USP14: variants seen among roughly 807,000 people sequenced by gnomAD.
USP14 encodes the protein ubiquitin carboxyl-terminal hydrolase 14.
In USP14, 38 loss-of-function variants were observed where a neutral mutation model predicts 76.5. The ratio of observed to expected loss-of-function variants is 0.50; its 90% confidence interval spans 0.38 to 0.65. The LOEUF (loss-of-function observed/expected upper bound fraction) is 0.65, where lower values mean the gene tolerates loss of function less well. USP14 is among the 30% of genes least tolerant of loss of function. USP14 has a pLI of 0.00. For synonymous variants in USP14, 192 were observed against 191.7 expected, an observed-to-expected ratio of 1.00 and a Z score of -0.01; for missense variants, 467 against 586.5, an observed-to-expected ratio of 0.80 and a Z score of 2.10.
At chr18:199,349 G>T in intron 10 of USP14, 33 bp downstream of exon 10, 1 of 1,487,972 alleles carries the variant, frequency 6.7e-7, no homozygotes, top group Non-Finnish European at 9.3e-7. Context: ...CTTGTTGTTT[G>T]TGAATTCCAT....
At position 158,565 on chromosome 18, in the gene USP14, C is replaced by A; in HGVS notation, c.-134C>A. On this transcript the variant is annotated 5_prime_UTR_variant, in exon 1 of 16. Transcript: ENST00000261601. ...TCGCCAGTGGCCGGTTTGAATGAGA[C>A]TCGTCGCACCGAAGCCGCCGCCACC... 2 of 874,992 alleles carry A rather than the reference C, an allele frequency of 2.3e-6. No individual in the cohort carries two copies. The highest frequency in any genetic ancestry group is 3.4e-6 in the Non-Finnish European group (2 of 589,200). The allele number at this position is 874,992 out of a possible 1,614,324, so 54.2% of individuals were successfully genotyped here. A position where few individuals can be genotyped will look rare whatever the true frequency, so the allele number is the denominator to read the frequency against.
At chr18:210,954 C>T (rs1207072450) in intron 15 of USP14, among the ~76,000 whole-genome samples, 179 bp from the exon 16 acceptor site, 3 of 152,092 alleles carry the variant, frequency 2.0e-5, no homozygotes, top group Non-Finnish European at 4.4e-5. Context: ...GTAGTTGTAA[C>T]CTGGTGGAAC....
rs1156565293 is a variant in USP14, at chr18:213,859, A to AAAG, written c.*2576_*2578dup. On this transcript the variant is annotated 3_prime_UTR_variant, in exon 16 of 16. Coordinates refer to ENST00000261601, the MANE Select transcript of USP14 (RefSeq NM_005151.4). The stretch of plus-strand genomic sequence containing the variant: ...GTCACAAGAATCCCTGAAGTGATTA[A>AAAG]AAGTCTTGAGAGGTCAGGCAATTTT... The AAAG allele has an allele frequency of 6.6e-6, 1 of 152,224 alleles. No individual in the cohort carries two copies. The highest frequency in any genetic ancestry group is 2.4e-5 in the African/African-American group (1 of 41,452). 9.4% of individuals were successfully genotyped at this position (152,224 alleles called of 1,614,324 possible).
At chr18:162,791 A>C (rs1451626967) in intron 1 of USP14, among the ~76,000 whole-genome samples, 1 of 150,706 alleles carries the variant, frequency 6.6e-6, no homozygotes, top group African/African-American at 2.4e-5. Context: ...ACTTCTCTGA[A>C]GTCTCAGTTT....
chr18:165,097 C>T (rs911015162), intron 2 of USP14, among the ~76,000 whole-genome samples: 17 of 151,928 alleles, frequency 1.1e-4, no homozygotes, highest in African/African-American at 1.5e-4. Context: ...AACAGGTCAC[C>T]ACCACCATGC....
chr18:185,163 T>C (rs963880779), intron 5 of USP14, among the ~76,000 whole-genome samples: 7 of 152,116 alleles, frequency 4.6e-5, no homozygotes, highest in Admixed American at 1.3e-4. Context: ...TCTTATTTTT[T>C]ATTTATTTAT....
In USP14 at chr18:188,507, C is replaced by CT. The variant is rs1157960535; in HGVS notation, c.405-4317dup. On this transcript the variant is annotated intron_variant, in intron 5 of 15. Transcript: ENST00000261601. ...TTTATAGCATTCTGTCTCCCTCTGG[C>CT]TTTTTTTTTTTTTTTTTTCCTTTGT... Among the ~76,000 whole-genome samples, 818 of 122,392 alleles carry CT rather than the reference C, an allele frequency of 6.7e-3. 6 individuals are homozygous for CT. Among genetic ancestry groups the CT allele is most frequent in the Middle Eastern group, 9.9e-3 (2 of 202 alleles). The allele number at this position is 122,392 out of a possible 152,430, so 80.3% of individuals were successfully genotyped here.
At chr18:204,424 C>T (rs1304272656) in intron 12 of USP14, 140 bp from the exon 13 acceptor site, 3 of 763,594 alleles carry the variant, frequency 3.9e-6, no homozygotes, top group Admixed American at 3.9e-5. Flanking sequence ...GAGGTTTCAA[C>T]TGCAGATTTC....
At chr18:203,450 T>G (rs1410210301) in intron 12 of USP14, among the ~76,000 whole-genome samples, 1 of 150,946 alleles carries the variant, frequency 6.6e-6, no homozygotes, top group Non-Finnish European at 1.5e-5. Flanking sequence ...CCTAGGATAT[T>G]ATATTTTTCA....
At chr18:176,742 G>T (rs991207397) in intron 3 of USP14, among the ~76,000 whole-genome samples, 1 of 151,896 alleles carries the variant, frequency 6.6e-6, no homozygotes, top group East Asian at 1.9e-4. Flanking sequence ...TGATTCACTT[G>T]CATTCTTTTA....
intron 5 of USP14, among the ~76,000 whole-genome samples, chr18:184,094 T>G (rs929631043): frequency 6.6e-6 from 1 of 152,236 alleles, no homozygotes; most frequent in Non-Finnish European, 1.5e-5. Context: ...GTGGTTCTAT[T>G]TTCCTGAAAC....
At chr18:176,571 G>A (rs1267930637) in intron 3 of USP14, among the ~76,000 whole-genome samples, 1 of 151,848 alleles carries the variant, frequency 6.6e-6, no homozygotes, top group Non-Finnish European at 1.5e-5. Flanking sequence ...TTTTCTTATA[G>A]ATTTGCTTTT....
At chr18:195,106 C>G (rs1348433033) in intron 6 of USP14, among the ~76,000 whole-genome samples, 1 of 149,328 alleles carries the variant, frequency 6.7e-6, no homozygotes, top group African/African-American at 2.5e-5. Flanking sequence ...TCTTATTAGT[C>G]TCTTTTAATC....
At chr18:174,365 A>G (rs1598267107) in intron 3 of USP14, among the ~76,000 whole-genome samples, 2 of 150,356 alleles carry the variant, frequency 1.3e-5, no homozygotes, top group Admixed American at 6.7e-5. Flanking sequence ...TCCTGGCTTC[A>G]AGTGATTCTC....
intron 5 of USP14, among the ~76,000 whole-genome samples, chr18:182,865 A>T (rs1342618750): frequency 6.6e-6 from 1 of 152,172 alleles, no homozygotes. Flanking sequence ...CTGGAGAAGG[A>T]TGGATGTAGA....
Position 213,975 on chromosome 18 carries a change from T to TTAGA in USP14, c.*2713_*2716dup, listed in dbSNP as rs58838924. 0.16 allele frequency: 23,963 copies of TTAGA among 150,118 alleles called. 2,080 individuals carry two copies. Among genetic ancestry groups the TTAGA allele is most frequent in the African/African-American group, 0.22 (9,073 of 40,344 alleles). 9.3% of individuals were successfully genotyped at this position (150,118 alleles called of 1,614,324 possible). On this transcript the variant is annotated 3_prime_UTR_variant, in exon 16 of 16. Transcript: ENST00000261601. ...TTCTGTAATGGACAAGATAGATAGA[T>TTAGA]TAGATAGATAGATAGATAGATAGAT...
At chr18:210,122 G>T in intron 14 of USP14, 91 bp downstream of exon 14, 1 of 1,080,620 alleles carries the variant, frequency 9.3e-7, no homozygotes, top group Non-Finnish European at 1.3e-6. Flanking sequence ...TTATTCTGAT[G>T]TGCTTTTCAA....
Position 176,685 on chromosome 18 carries a change from A to C in USP14, c.196-2248A>C, listed in dbSNP as rs538925051. On this transcript the variant is annotated intron_variant, in intron 3 of 15. Transcript: ENST00000261601. ...GTGTAGCTAGTTACATCAATTGTTAATATTTATGTCAGTTTTAGAAAATCT... is the reference window on the plus strand; with the variant it reads ...GTGTAGCTAGTTACATCAATTGTTACTATTTATGTCAGTTTTAGAAAATCT... Among the ~76,000 whole-genome samples the C allele has an allele frequency of 6.6e-5, 10 of 152,248 alleles. No individual in the cohort carries two copies. In the East Asian group the frequency reaches 9.6e-4, roughly 15 times the overall value.
At chr18:166,901 A>G in intron 3 of USP14, 82 bp downstream of exon 3, 4 of 1,263,750 alleles carry the variant, frequency 3.2e-6, no homozygotes, top group East Asian at 4.7e-5. Flanking sequence ...ACTTTTTTTC[A>G]TGTGTATATC....
Sources: gnomAD v4.1 joint callset for allele counts (sites outside exome capture counted in the v4.1 genomes callset) on GRCh38, gnomAD v4.1.1 for gene constraint, MANE v1.5 for transcripts, NCBI Gene and HGNC (gene_info 2026-07-23, HGNC 2026-07-21) for gene names.